KLF16: variants seen among roughly 807,000 people sequenced by gnomAD.
KLF16 encodes KLF transcription factor 16.
Under a neutral mutation model 6.1 loss-of-function variants are expected in KLF16, and 6 were observed. The ratio of observed to expected loss-of-function variants is 0.98; its 90% CI spans 0.54 to 1.93. The LOEUF is 1.93. KLF16 is among the 30% of genes most tolerant of loss of function. The probability of loss-of-function intolerance (pLI) is 0.01; values close to 1 mark genes in which losing one functional copy is unlikely to be tolerated. For synonymous variants in KLF16, 211 were observed against 176.5 expected (o/e 1.20, Z -1.55); for missense variants, 355 against 363.8 (o/e 0.98, Z 0.20).
the KLF16 span, among the ~76,000 whole-genome samples, chr19:1,871,616 A>T: frequency 1.6e-4 from 25 of 152,280 alleles, no homozygotes; most frequent in African/African-American, 4.6e-4. Flanking sequence ...TAAGGCGTTA[A>T]ATCACTTACC....
intron 1 of KLF16, 42 bp from the exon 2 acceptor site, chr19:1,854,802 G>C (rs775451694): frequency 6.3e-7 from 1 of 1,583,268 alleles, no homozygotes; most frequent in East Asian, 2.3e-5. Flanking sequence ...CAGCGGGGGC[G>C]GGGGGAGATG....
At chr19:1,870,990 T>C in the KLF16 span, among the ~76,000 whole-genome samples, 3 of 152,086 alleles carry the variant, frequency 2.0e-5, no homozygotes, top group Admixed American at 2.0e-4. Flanking sequence ...AGTGAGACTC[T>C]GTCTCAAAAA....
upstream of KLF16, among the ~76,000 whole-genome samples, chr19:1,866,598 G>C (rs1313501497): frequency 2.7e-5 from 4 of 148,614 alleles, no homozygotes; most frequent in Admixed American, 2.7e-4. Context: ...TGGGTGACAA[G>C]AGAGAAACTG....
rs2011899577 is a variant in KLF16, at chr19:1,854,269, C to T, written c.*190G>A. 1.7e-6 allele frequency: 1 copy of T among 596,010 alleles called. No individual in the cohort carries two copies. The highest frequency in any genetic ancestry group is 2.6e-6 in the Non-Finnish European group (1 of 386,768). 36.9% of individuals were successfully genotyped at this position (596,010 alleles called of 1,614,324 possible). A position where few individuals can be genotyped will look rare whatever the true frequency, so the allele number is the denominator to read the frequency against. ...ACAGACACAAGCCCCCGTCACCCAT[C>T]CTGAGAGCCACCTCTGAGGTCAGGC... On this transcript the variant is annotated 3_prime_UTR_variant, in exon 2 of 2. Transcript: ENST00000250916.
At chr19:1,855,477 A>C (rs2011930848) in intron 1 of KLF16, among the ~76,000 whole-genome samples, 1 of 151,606 alleles carries the variant, frequency 6.6e-6, no homozygotes, top group South Asian at 2.1e-4. Flanking sequence ...GACTCGCCCC[A>C]CCCCCACGGG....
In KLF16 at chr19:1,853,731, C is replaced by G. The variant is rs1247198118; in HGVS notation, c.*728G>C. On this transcript the variant is annotated 3_prime_UTR_variant, in exon 2 of 2. Coordinates refer to ENST00000250916, the MANE Select transcript of KLF16 (RefSeq NM_031918.4). ...AATAAGCCAGGATTCCCTCCCGACC[C>G]CACTGAGTCAAATGTTCTTTGGAAG... 1 of 152,596 alleles carries G rather than the reference C, an allele frequency of 6.6e-6. No homozygotes were observed. Among genetic ancestry groups the G allele is most frequent in the Non-Finnish European group, 1.5e-5 (1 of 68,094 alleles). The allele number at this position is 152,596 out of a possible 1,614,324, so 9.5% of individuals were successfully genotyped here.
rs2011987698 is a variant in KLF16, at chr19:1,857,912, G to A, written c.458-3152C>T. Among the ~76,000 whole-genome samples the A allele has an allele frequency of 5.3e-5, 8 of 152,002 alleles. No homozygotes were observed. Among genetic ancestry groups the A allele is most frequent in the Admixed American group, 4.6e-4 (7 of 15,270 alleles). ...CTATAGGCAGCTGCTTCTGGGAGCC[G>A]CTGCAGAAAAGGGGGAACACTGGTG... is the stretch of plus-strand genomic sequence containing the variant. On this transcript the variant is annotated intron_variant, in intron 1 of 1. Transcript: ENST00000250916. The surrounding 1 kb of genome is among the most constrained non-coding windows in gnomAD (Gnocchi z 4.7).
upstream of KLF16, among the ~76,000 whole-genome samples, chr19:1,864,772 C>A (rs1353666941): frequency 6.6e-6 from 1 of 152,192 alleles, no homozygotes; most frequent in Admixed American, 6.5e-5. Context: ...GGGGGGACAC[C>A]AGGGACGCGG....
chr19:1,864,267 GC>G (rs543140702), upstream of KLF16, among the ~76,000 whole-genome samples: 687 of 142,988 alleles, frequency 4.8e-3, 9 homozygotes, highest in African/African-American at 0.017. Flanking sequence ...CCGCCCCCAG[GC>G]CACGTGCGCG....
At chr19:1,871,467 T>A in the KLF16 span, among the ~76,000 whole-genome samples, 1 of 152,122 alleles carries the variant, frequency 6.6e-6, no homozygotes, top group Non-Finnish European at 1.5e-5. Flanking sequence ...AACAAAACCC[T>A]AAAGTCCCCA....
chr19:1,860,807 G>A (rs1568733650), intron 1 of KLF16, among the ~76,000 whole-genome samples: 2 of 152,220 alleles, frequency 1.3e-5, no homozygotes, highest in African/African-American at 2.4e-5. Flanking sequence ...TGGTCCTGGG[G>A]GCTGGGGAGG....
chr19:1,874,778 C>T, the KLF16 span: 1 of 60,616 alleles, frequency 1.6e-5, no homozygotes, highest in African/African-American at 6.1e-5. Flanking sequence ...AAAAAAAAAA[C>T]ACTTCTACTA....
intron 1 of KLF16, among the ~76,000 whole-genome samples, chr19:1,858,115 G>A (rs954617719): frequency 6.7e-6 from 1 of 149,016 alleles, no homozygotes; most frequent in East Asian, 2.0e-4. Context: ...CGCCAAACAC[G>A]CAGGCAGGCA....
upstream of KLF16, among the ~76,000 whole-genome samples, chr19:1,864,616 G>A (rs2012154347): frequency 6.6e-6 from 1 of 152,196 alleles, no homozygotes; most frequent in Admixed American, 6.5e-5. Flanking sequence ...GCGGGTCAGA[G>A]GTTCCCCGCC....
chr19:1,856,001 A>G (rs1013332938), intron 1 of KLF16, among the ~76,000 whole-genome samples: 2 of 152,206 alleles, frequency 1.3e-5, no homozygotes, highest in Admixed American at 6.5e-5. Flanking sequence ...CCCAAAGCCT[A>G]TTCTCAAGGA....
the KLF16 span, among the ~76,000 whole-genome samples, chr19:1,873,476 A>T: frequency 6.6e-6 from 1 of 151,780 alleles, no homozygotes. Flanking sequence ...CCTAGGCCAT[A>T]GGGTCACCTG....
At chr19:1,862,692 C>A (rs1415198778) in intron 1 of KLF16, 2 of 267,062 alleles carry the variant, frequency 7.5e-6, no homozygotes, top group South Asian at 1.5e-4. Context: ...ACCACGGTGC[C>A]CACCGCCCAG....
chr19:1,867,961 T>TGTGTGC (rs1555831975), upstream of KLF16, among the ~76,000 whole-genome samples: 15 of 146,308 alleles, frequency 1.0e-4, no homozygotes, highest in African/African-American at 3.5e-4. Flanking sequence ...TGTGTGTGTG[T>TGTGTGC]GCGTGCGCGC....
chr19:1,865,062 G>T (rs2012164513), upstream of KLF16, among the ~76,000 whole-genome samples: 1 of 152,232 alleles, frequency 6.6e-6, no homozygotes, highest in Non-Finnish European at 1.5e-5. Context: ...ACTGTTCCCT[G>T]GGTCGCCCGC....
Sources: gnomAD v4.1 joint callset for allele counts (sites outside exome capture counted in the v4.1 genomes callset) on GRCh38, gnomAD v4.1.1 for gene constraint, Gnocchi (gnomAD v3.1) non-coding constraint, MANE v1.5 for transcripts, NCBI Gene and HGNC (gene_info 2026-07-23, HGNC 2026-07-21) for gene names.